EPHA2: variants seen among roughly 807,000 people sequenced by gnomAD.
EPHA2 encodes the protein ephrin type-A receptor 2.
Under a neutral mutation model 104.9 loss-of-function variants are expected in EPHA2, and 54 were observed. That is an observed-to-expected ratio of 0.51 (90% CI 0.41 to 0.65). The LOEUF is 0.65. Ranked by LOEUF, EPHA2 falls within the 30% of genes least tolerant of loss-of-function variation. The pLI is 0.00. For missense variants in EPHA2, 1,117 were observed against 1,369.5 expected, an observed-to-expected ratio of 0.82 and a Z score of 2.91; for synonymous variants, 560 against 559.1, an observed-to-expected ratio of 1.00 and a Z score of -0.02.
Position 16,134,685 on chromosome 1 carries a change from C to A in EPHA2, c.1583-118G>T. ...TGCTGGGTGCTTGCACTTGGGAAGGCTCCAGAGGGTACTTAGTCCCATTTC... is the reference window on the plus strand; with the variant it reads ...TGCTGGGTGCTTGCACTTGGGAAGGATCCAGAGGGTACTTAGTCCCATTTC... On this transcript the variant is annotated intron_variant, in intron 7 of 16. Coordinates refer to ENST00000358432, the MANE Select transcript of EPHA2 (RefSeq NM_004431.5). The surrounding 1 kb of genome is among the most constrained non-coding windows in gnomAD (Gnocchi z 4.5). 2 of 1,099,594 alleles carry A rather than the reference C, an allele frequency of 1.8e-6. No homozygotes were observed. Among genetic ancestry groups the A allele is most frequent in the South Asian group, 2.7e-5 (2 of 75,042 alleles). The allele number at this position is 1,099,594 out of a possible 1,614,324, so 68.1% of individuals were successfully genotyped here.
intron 3 of EPHA2, among the ~76,000 whole-genome samples, chr1:16,143,396 C>T (rs1301314742): frequency 1.3e-5 from 2 of 152,050 alleles, no homozygotes; most frequent in Admixed American, 6.5e-5. Flanking sequence ...CACCAGGATG[C>T]CTACCTGCCT....
rs2024652706 is a variant in EPHA2 at position 16,134,968 on chromosome 1, T to C, written c.1582+68A>G. 14 of 1,593,824 alleles carry C rather than the reference T, an allele frequency of 8.8e-6. No individual in the cohort carries two copies. The South Asian group carries it at 1.4e-4, about 16-fold the overall frequency. On this transcript the variant is annotated intron_variant, in intron 7 of 16. Transcript: ENST00000358432. This position sits in a 1 kb window ranked among gnomAD's most constrained non-coding sequence, Gnocchi z 4.5. Reference sequence around the variant, plus strand: ...TCTAAGTTATTTGATTCACTTCCTTTCCCAAGATGTCTCAATTGCTTGGTT... The same window carrying C: ...TCTAAGTTATTTGATTCACTTCCTTCCCCAAGATGTCTCAATTGCTTGGTT...
intron 1 of EPHA2, 128 bp from the exon 2 acceptor site, chr1:16,151,091 G>A (rs2124269864): frequency 1.2e-6 from 1 of 822,910 alleles, no homozygotes; most frequent in African/African-American, 1.7e-5. Flanking sequence ...CACCACACAG[G>A]GTCACCATAT....
chr1:16,143,463 C>G (rs1424286598), intron 3 of EPHA2, among the ~76,000 whole-genome samples: 1 of 152,070 alleles, frequency 6.6e-6, no homozygotes, highest in African/African-American at 2.4e-5. Flanking sequence ...GCTGTTCTGG[C>G]CCCGGTTGTC....
intron 1 of EPHA2, among the ~76,000 whole-genome samples, chr1:16,154,955 G>A (rs2025123539): frequency 6.6e-6 from 1 of 151,942 alleles, no homozygotes; most frequent in South Asian, 2.1e-4. Context: ...CCCCATCCTC[G>A]CCCTGACCCT....
chr1:16,130,260 CAG>C lies in EPHA2; in HGVS notation c.2633_2634del (p.Pro878ArgfsTer8). On this transcript the variant is annotated frameshift_variant, in exon 15 of 17. Coordinates refer to ENST00000358432, the MANE Select transcript of EPHA2 (RefSeq NM_004431.5). LOFTEE classifies it high-confidence loss of function. This position sits in a 1 kb window ranked among gnomAD's most constrained non-coding sequence, Gnocchi z 4.5. ...VSILDKLIRA[P>X]DSLKTLADFD... ...AAGTCAGCCAGGGTCTTGAGGGAGT[CAG>C]GGGCACGAATGAGCTTGTCCAGGAT... The C allele has an allele frequency of 6.2e-7, 1 of 1,614,076 alleles. No homozygotes were observed.
rs1345486549 is a variant in EPHA2 at position 16,135,458 on chromosome 1, G to A, written c.1428+197C>T. On this transcript the variant is annotated intron_variant, in intron 6 of 16. Coordinates refer to ENST00000358432, the MANE Select transcript of EPHA2 (RefSeq NM_004431.5). The surrounding 1 kb of genome is among the most constrained non-coding windows in gnomAD (Gnocchi z 4.3). ...CACCCTGACTGCCTCTTCCAAGGAC[G>A]CCATGTCTTCTCTCGTACAAATCTC... The A allele has an allele frequency of 1.3e-5, 9 of 714,970 alleles. No homozygotes were observed. The highest frequency in any genetic ancestry group is 2.7e-5 in the East Asian group (1 of 37,002). The allele number at this position is 714,970 out of a possible 1,614,324, so 44.3% of individuals were successfully genotyped here.
rs1047912114 is a variant in EPHA2 at position 16,129,976 on chromosome 1, C to T, written c.2669+250G>A. ...ATGAGGATCACTGGAGGACTCATCT[C>T]GTAGGTTGTTTAAATGAATGAAAAC... On this transcript the variant is annotated intron_variant, in intron 15 of 16. Coordinates refer to ENST00000358432, the MANE Select transcript of EPHA2 (RefSeq NM_004431.5). 2.0e-4 allele frequency among the ~76,000 whole-genome samples: 31 copies of T among 152,276 alleles called. 1 individual carries two copies. The highest frequency in any genetic ancestry group is 4.0e-4 in the Non-Finnish European group (27 of 68,024).
chr1:16,130,755 G>C lies in EPHA2; in HGVS notation c.2476-336C>G, dbSNP rs1379331381. On this transcript the variant is annotated intron_variant, in intron 14 of 16. Transcript: ENST00000358432. The surrounding 1 kb of genome is among the most constrained non-coding windows in gnomAD (Gnocchi z 4.5). ...GGTGATCCTCCCACCTCCGCCTCCTGAGTAGCTGAGACTACAGGCACGTGC... is the reference window on the plus strand; with the variant it reads ...GGTGATCCTCCCACCTCCGCCTCCTCAGTAGCTGAGACTACAGGCACGTGC... 6.6e-6 allele frequency among the ~76,000 whole-genome samples: 1 copy of C among 152,046 alleles called. No individual in the cohort carries two copies. The highest frequency in any genetic ancestry group is 1.5e-5 in the Non-Finnish European group (1 of 68,010).
At chr1:16,147,795 T>A (rs565024051) in intron 3 of EPHA2, among the ~76,000 whole-genome samples, 2 of 151,718 alleles carry the variant, frequency 1.3e-5, no homozygotes, top group South Asian at 2.1e-4. Flanking sequence ...AATGTAGACC[T>A]GGGATTTGAA....
Position 16,135,226 on chromosome 1 carries a change from G to C in EPHA2, c.1429-37C>G, listed in dbSNP as rs1411918622. The C allele has an allele frequency of 1.2e-6, 2 of 1,612,152 alleles. No individual in the cohort carries two copies. The highest frequency in any genetic ancestry group is 1.3e-5 in the African/African-American group (1 of 75,010). On this transcript the variant is annotated intron_variant, in intron 6 of 16. Transcript: ENST00000358432. This position sits in a 1 kb window ranked among gnomAD's most constrained non-coding sequence, Gnocchi z 4.3. ...TGGCCGGCGGAGGAGCAGGCAGTGA[G>C]GGCAGGGCAGGGGCCTCGGCTCAGC... is the stretch of plus-strand genomic sequence containing the variant.
In EPHA2 at chr1:16,128,937, A is replaced by T. The variant is rs1031354159; in HGVS notation, c.2825+497T>A. Among the ~76,000 whole-genome samples the T allele has an allele frequency of 5.9e-5, 9 of 151,836 alleles. No individual in the cohort carries two copies. The highest frequency in any genetic ancestry group is 8.8e-5 in the Non-Finnish European group (6 of 67,946). On this transcript the variant is annotated intron_variant, in intron 16 of 16. Coordinates refer to ENST00000358432, the MANE Select transcript of EPHA2 (RefSeq NM_004431.5). This position sits in a 1 kb window ranked among gnomAD's most constrained non-coding sequence, Gnocchi z 4.7. ...GTGTGACCTCAGGCAAGCCGGTAAC[A>T]TCTCAGCCTGTTTCTCTACCAATGA...
At chr1:16,144,454 C>T (rs748488432) in intron 3 of EPHA2, among the ~76,000 whole-genome samples, 4 of 152,296 alleles carry the variant, frequency 2.6e-5, no homozygotes, top group Admixed American at 6.5e-5. Context: ...TGCCATGGCC[C>T]GAGACCACCC....
In EPHA2 at chr1:16,148,282, A is replaced by AG. The variant is rs34210060; in HGVS notation, c.823+95dup. The AG allele has an allele frequency of 6.7e-7, 1 of 1,484,914 alleles. No individual in the cohort carries two copies. The highest frequency in any genetic ancestry group is 1.7e-4 in the Middle Eastern group (1 of 5,838). 92.0% of individuals were successfully genotyped at this position (1,484,914 alleles called of 1,614,324 possible). ...TAACAGAACTAATGTGTGTCAAAGCAGGGATGAGCTTACCAAGATTCCATG... is the reference window on the plus strand; with the variant it reads ...TAACAGAACTAATGTGTGTCAAAGCAGGGGATGAGCTTACCAAGATTCCATG... On this transcript the variant is annotated intron_variant, in intron 3 of 16. Transcript: ENST00000358432. This position sits in a 1 kb window ranked among gnomAD's most constrained non-coding sequence, Gnocchi z 4.9.
At chr1:16,136,594 G>A (rs2024689421) in intron 5 of EPHA2, among the ~76,000 whole-genome samples, 1 of 146,574 alleles carries the variant, frequency 6.8e-6, no homozygotes, top group Non-Finnish European at 1.5e-5. Context: ...ACTCCAGCCT[G>A]GGCAACAAGA....
Position 16,131,600 on chromosome 1 carries a change from T to G in EPHA2, c.2475+121A>C. ...CGTCTCCAAAAAAAAAAAATAAACATTTATGGAGCAAGCCTAAGAAGGTTC... is the reference window on the plus strand; with the variant it reads ...CGTCTCCAAAAAAAAAAAATAAACAGTTATGGAGCAAGCCTAAGAAGGTTC... On this transcript the variant is annotated intron_variant, in intron 14 of 16. Coordinates refer to ENST00000358432, the MANE Select transcript of EPHA2 (RefSeq NM_004431.5). This position sits in a 1 kb window ranked among gnomAD's most constrained non-coding sequence, Gnocchi z 5.2. 1.4e-6 allele frequency: 2 copies of G among 1,385,450 alleles called. No individual in the cohort carries two copies. Among genetic ancestry groups the G allele is most frequent in the Non-Finnish European group, 2.0e-6 (2 of 1,017,712 alleles). 85.8% of individuals were successfully genotyped at this position (1,385,450 alleles called of 1,614,324 possible).
Position 16,138,364 on chromosome 1 carries a change from G to A in EPHA2, c.890C>T (p.Thr297Met), listed in dbSNP as rs754323552. 2.5e-5 allele frequency: 40 copies of A among 1,613,778 alleles called. No homozygotes were observed. Among genetic ancestry groups the A allele is most frequent in the African/African-American group, 5.3e-5 (4 of 74,938 alleles). Residue 297 changes from threonine to methionine, a missense_variant, in exon 4 of 17, where the codon ACG becomes ATG. Transcript: ENST00000358432. ...GGTGGCACCCTCAGGGGATGGCAGCGTGTGCTCAGGGCACTCCAAGCAGGG... is the reference window on the plus strand; with the variant it reads ...GGTGGCACCCTCAGGGGATGGCAGCATGTGCTCAGGGCACTCCAAGCAGGG... ...ESPCLECPEH[T>M]LPSPEGATSC...
In EPHA2 at chr1:16,155,951, G is replaced by C; in HGVS notation, c.-19C>G. 4 of 1,484,812 alleles carry C rather than the reference G, an allele frequency of 2.7e-6. No individual in the cohort carries two copies. The highest frequency in any genetic ancestry group is 3.6e-6 in the Non-Finnish European group (4 of 1,124,768). 92.0% of individuals were successfully genotyped at this position (1,484,812 alleles called of 1,614,324 possible). A position where few individuals can be genotyped will look rare whatever the true frequency, so the allele number is the denominator to read the frequency against. On this transcript the variant is annotated 5_prime_UTR_variant, in exon 1 of 17. Transcript: ENST00000358432. ...GCTCCATGCCGCGCTTCTCGCTCTC[G>C]GTCCGATCCCCCCGAGCCCGGCTCC...
chr1:16,133,959 G>A, intron 8 of EPHA2, 44 bp from the exon 9 acceptor site: 1 of 1,544,386 alleles, frequency 6.5e-7, no homozygotes, highest in Non-Finnish European at 8.8e-7. Flanking sequence ...AGGTCAGTGA[G>A]GTCTGCTCCG....
Sources: gnomAD v4.1 joint callset for allele counts (sites outside exome capture counted in the v4.1 genomes callset) on GRCh38, gnomAD v4.1.1 for gene constraint, Gnocchi (gnomAD v3.1) non-coding constraint, MANE v1.5 for transcripts, NCBI Gene and HGNC (gene_info 2026-07-23, HGNC 2026-07-21) for gene names.